ERBIN: variants seen among roughly 807,000 people sequenced by gnomAD.
The protein encoded by ERBIN is erbb2 interacting protein, also known as densin-180-like protein.
In ERBIN, 60 loss-of-function variants were observed where a neutral mutation model predicts 158.4. The ratio of observed to expected loss-of-function variants is 0.38; its 90% CI spans 0.31 to 0.47. The LOEUF is 0.47. Among genes scored for constraint, ERBIN ranks in the 20% least tolerant of loss-of-function variants. ERBIN has a pLI of 0.99. For missense variants in ERBIN, 1,610 were observed against 1,648.0 expected, an observed-to-expected ratio of 0.98 and a Z score of 0.40; for synonymous variants, 594 against 557.2, an observed-to-expected ratio of 1.07 and a Z score of -0.93.
intron 1 of ERBIN, among the ~76,000 whole-genome samples, chr5:65,929,311 T>A (rs999230221): frequency 6.6e-6 from 1 of 152,222 alleles, no homozygotes; most frequent in African/African-American, 2.4e-5. Flanking sequence ...TAGGTGTATA[T>A]TTCAAAATTA....
chr5:66,068,192 C>T (rs1222656292), intron 21 of ERBIN, among the ~76,000 whole-genome samples: 1 of 151,254 alleles, frequency 6.6e-6, no homozygotes, highest in African/African-American at 2.4e-5. Context: ...ATAATAATAA[C>T]AACAACTAGC....
intron 21 of ERBIN, among the ~76,000 whole-genome samples, chr5:66,057,456 A>G (rs1759717672): frequency 6.6e-6 from 1 of 152,188 alleles, no homozygotes; most frequent in Non-Finnish European, 1.5e-5. Flanking sequence ...ATATTGTGCA[A>G]TAGGTTATTT....
intron 15 of ERBIN, among the ~76,000 whole-genome samples, chr5:66,040,475 G>A (rs192350668): frequency 5.9e-5 from 9 of 151,948 alleles, no homozygotes; most frequent in Admixed American, 5.3e-4. Flanking sequence ...TTTGAGATTT[G>A]TTTTAGAATG....
At chr5:66,056,557 C>G (rs1158919911) in intron 21 of ERBIN, among the ~76,000 whole-genome samples, 1 of 151,450 alleles carries the variant, frequency 6.6e-6, no homozygotes, top group Non-Finnish European at 1.5e-5. Context: ...TTTTAATTGC[C>G]TGAAATATTT....
intron 25 of ERBIN, among the ~76,000 whole-genome samples, chr5:66,077,779 CACACACACACACACAT>C (rs888502352): frequency 1.5e-4 from 20 of 132,828 alleles, no homozygotes; most frequent in Admixed American, 9.4e-4. Context: ...CACACACACA[CACACACACACACACAT>C]ACACACACAC....
At chr5:65,942,997 C>T (rs1301161197) in intron 1 of ERBIN, among the ~76,000 whole-genome samples, 3 of 152,074 alleles carry the variant, frequency 2.0e-5, no homozygotes, top group African/African-American at 4.8e-5. Flanking sequence ...AATTCCCAAA[C>T]CCTCCTTCTC....
chr5:65,956,545 C>CT (rs775550780), intron 1 of ERBIN, among the ~76,000 whole-genome samples: 5,052 of 136,018 alleles, frequency 0.037, 276 homozygotes, highest in African/African-American at 0.12. Flanking sequence ...AATTTTTTTA[C>CT]TTTTTTTTTT....
intron 1 of ERBIN, among the ~76,000 whole-genome samples, chr5:65,951,001 G>C (rs1746437131): frequency 1.3e-5 from 2 of 152,150 alleles, no homozygotes; most frequent in South Asian, 2.1e-4. Context: ...AATTCTTGCT[G>C]TGCTGTTACA....
chr5:66,041,010 G>A (rs1468729687), intron 15 of ERBIN, among the ~76,000 whole-genome samples: 2 of 151,926 alleles, frequency 1.3e-5, no homozygotes, highest in Non-Finnish European at 2.9e-5. Context: ...AAGAAAGCAG[G>A]ATATTAGTGG....
At chr5:66,074,927 A>G in intron 22 of ERBIN, 97 bp from the exon 23 acceptor site, 1 of 1,050,074 alleles carries the variant, frequency 9.5e-7, no homozygotes, top group Non-Finnish European at 1.4e-6. Context: ...TAGAATGTGA[A>G]AACTCTAGTG....
rs974068876 is a variant in ERBIN, at chr5:66,079,467, A to T, written c.*937A>T. 1 of 152,536 alleles carries T rather than the reference A, an allele frequency of 6.6e-6. No homozygotes were observed. Among genetic ancestry groups the T allele is most frequent in the Non-Finnish European group, 1.5e-5 (1 of 68,020 alleles). 9.4% of individuals were successfully genotyped at this position (152,536 alleles called of 1,614,324 possible). On this transcript the variant is annotated 3_prime_UTR_variant, in exon 26 of 26. Coordinates refer to ENST00000284037, the MANE Select transcript of ERBIN (RefSeq NM_001253697.2). ...TTATAATTTTTATTTTAAGCAGCAA[A>T]TGAAACAAAAATGGCCAGTTTTAAG... is the stretch of plus-strand genomic sequence containing the variant.
At chr5:65,953,882 C>A (rs59691585) in intron 1 of ERBIN, among the ~76,000 whole-genome samples, 1 of 152,050 alleles carries the variant, frequency 6.6e-6, no homozygotes, top group South Asian at 2.1e-4. Flanking sequence ...ACATTAATTT[C>A]GACATTCTTT....
intron 1 of ERBIN, among the ~76,000 whole-genome samples, chr5:65,936,648 C>T (rs1290706301): frequency 6.6e-6 from 1 of 152,114 alleles, no homozygotes; most frequent in East Asian, 1.9e-4. Flanking sequence ...GAGTGAGACA[C>T]TTTAGGGTAG....
At chr5:66,010,351 A>T (rs148983058) in intron 4 of ERBIN, among the ~76,000 whole-genome samples, 1 of 140,896 alleles carries the variant, frequency 7.1e-6, no homozygotes, top group East Asian at 1.9e-4. Flanking sequence ...TAGTTGCCAC[A>T]TGATGATGTT....
chr5:65,947,488 G>T (rs2150909285), intron 1 of ERBIN, among the ~76,000 whole-genome samples: 1 of 152,288 alleles, frequency 6.6e-6, no homozygotes, highest in South Asian at 2.1e-4. Context: ...TTACAGATGA[G>T]ATTTGAGGTG....
At chr5:66,063,778 T>C (rs1322743735) in intron 21 of ERBIN, among the ~76,000 whole-genome samples, 1 of 152,218 alleles carries the variant, frequency 6.6e-6, no homozygotes, top group South Asian at 2.1e-4. Flanking sequence ...TTATCAAGGA[T>C]GATGATCTTG....
chr5:65,939,547 C>T (rs1458722911), intron 1 of ERBIN, among the ~76,000 whole-genome samples: 1 of 151,992 alleles, frequency 6.6e-6, no homozygotes, highest in African/African-American at 2.4e-5. Context: ...CTCTCCCTCT[C>T]CCCACGGTCT....
At chr5:65,947,927 A>G (rs1745978563) in intron 1 of ERBIN, among the ~76,000 whole-genome samples, 1 of 151,854 alleles carries the variant, frequency 6.6e-6, no homozygotes, top group African/African-American at 2.4e-5. Context: ...GAATCACTTG[A>G]ACCTCGGAGG....
chr5:66,058,469 C>T (rs2151255898), intron 21 of ERBIN, among the ~76,000 whole-genome samples: 1 of 151,598 alleles, frequency 6.6e-6, no homozygotes, highest in East Asian at 1.9e-4. Context: ...CAAAAATTTT[C>T]TCCCGTTCTG....
Sources: allele counts gnomAD v4.1 joint callset (sites outside exome capture counted in the v4.1 genomes callset), GRCh38; gene constraint gnomAD v4.1.1; transcripts MANE v1.5; gene names NCBI Gene and HGNC (gene_info 2026-07-23, HGNC 2026-07-21).